CNTNAP5: variants seen among roughly 807,000 people sequenced by gnomAD.
CNTNAP5 encodes contactin associated protein family member 5, also known as contactin-associated protein-like 5.
A neutral mutation model predicts 150.2 loss-of-function variants in CNTNAP5; 72 were observed. The observed-to-expected ratio is 0.48, with a 90% CI of 0.40 to 0.58. The LOEUF is 0.58. CNTNAP5 is among the 20% of genes least tolerant of loss of function. CNTNAP5 has a pLI of 0.00. For synonymous variants in CNTNAP5, 672 were observed against 619.8 expected, an observed-to-expected ratio of 1.08 and a Z score of -1.25; for missense variants, 1,636 against 1,626.2, an observed-to-expected ratio of 1.01 and a Z score of -0.10.
At chr2:124,291,638 C>T (rs2104634663) in intron 3 of CNTNAP5, among the ~76,000 whole-genome samples, 1 of 151,916 alleles carries the variant, frequency 6.6e-6, no homozygotes, top group South Asian at 2.1e-4. Context: ...AAAATGCTGC[C>T]AAATAAACAC....
At chr2:124,217,322 A>C (rs1190108483) in intron 1 of CNTNAP5, among the ~76,000 whole-genome samples, 3 of 152,076 alleles carry the variant, frequency 2.0e-5, no homozygotes, top group Non-Finnish European at 4.4e-5. Flanking sequence ...ATTCACATAC[A>C]CTTTTGGAGG....
intron 3 of CNTNAP5, among the ~76,000 whole-genome samples, chr2:124,262,369 T>A (rs191161614): frequency 6.2e-4 from 95 of 152,296 alleles, no homozygotes; most frequent in Middle Eastern, 3.4e-3. Context: ...GTACACACAA[T>A]AAATCCAGTG....
intron 1 of CNTNAP5, among the ~76,000 whole-genome samples, chr2:124,108,097 C>T (rs1011109048): frequency 2.6e-5 from 4 of 152,172 alleles, no homozygotes; most frequent in Admixed American, 6.5e-5. Context: ...GTGAGCAGAG[C>T]GATGGCTGTC....
chr2:124,536,163 A>C (rs960113403), intron 10 of CNTNAP5, among the ~76,000 whole-genome samples: 1 of 152,202 alleles, frequency 6.6e-6, no homozygotes, highest in Admixed American at 6.5e-5. Context: ...GGATGGGGCC[A>C]AAATCAAAAC....
At chr2:124,568,668 T>C (rs1437365544) in intron 11 of CNTNAP5, among the ~76,000 whole-genome samples, 1 of 152,202 alleles carries the variant, frequency 6.6e-6, no homozygotes, top group African/African-American at 2.4e-5. Context: ...TTGTCTTTCT[T>C]ATTCTGGTGA....
chr2:124,585,007 T>G (rs2104952919), intron 11 of CNTNAP5, among the ~76,000 whole-genome samples: 1 of 152,318 alleles, frequency 6.6e-6, no homozygotes, highest in East Asian at 1.9e-4. Context: ...ATAGGAATAC[T>G]TGTTAGCAGG....
At chr2:124,493,979 C>CAA (rs1306681163) in intron 7 of CNTNAP5, among the ~76,000 whole-genome samples, 77 of 151,052 alleles carry the variant, frequency 5.1e-4, no homozygotes, top group African/African-American at 1.8e-3. Context: ...CACACACACA[C>CAA]ACACACACAC....
intron 1 of CNTNAP5, among the ~76,000 whole-genome samples, chr2:124,187,336 T>C (rs761027565): frequency 7.9e-5 from 12 of 152,184 alleles, no homozygotes; most frequent in Middle Eastern, 3.2e-3. Flanking sequence ...TTAAGAACTC[T>C]CAACTAAAAG....
At chr2:124,552,105 G>A (rs1219534673) in intron 10 of CNTNAP5, among the ~76,000 whole-genome samples, 4 of 152,068 alleles carry the variant, frequency 2.6e-5, no homozygotes, top group African/African-American at 9.7e-5. Flanking sequence ...TGAATCAATA[G>A]GGGGCAATAA....
At chr2:124,847,028 G>A (rs1241340324) in intron 19 of CNTNAP5, among the ~76,000 whole-genome samples, 1 of 152,220 alleles carries the variant, frequency 6.6e-6, no homozygotes, top group African/African-American at 2.4e-5. Context: ...TTTGTTTAGA[G>A]TGCTGGTTGC....
At chr2:124,674,570 T>TTTCTTCCTTTCTTCCTTTCTTC (rs1558730742) in intron 13 of CNTNAP5, among the ~76,000 whole-genome samples, 1 of 127,798 alleles carries the variant, frequency 7.8e-6, no homozygotes, top group African/African-American at 2.7e-5. Flanking sequence ...TTCCTTTCTT[T>TTTCTTCCTTTCTTCCTTTCTTC]CTTTCTTTTC....
At chr2:124,374,895 A>C (rs946188308) in intron 3 of CNTNAP5, among the ~76,000 whole-genome samples, 57 of 152,102 alleles carry the variant, frequency 3.7e-4, no homozygotes, top group African/African-American at 1.2e-3. Flanking sequence ...AGGACACAGA[A>C]GTCAAGCTAA....
At chr2:124,807,380 C>A (rs1333249235) in intron 19 of CNTNAP5, among the ~76,000 whole-genome samples, 1 of 152,160 alleles carries the variant, frequency 6.6e-6, no homozygotes, top group East Asian at 1.9e-4. Flanking sequence ...ATTCCTAACA[C>A]CAGCCATATG....
chr2:124,775,502 C>G (rs898818268), intron 17 of CNTNAP5, among the ~76,000 whole-genome samples: 13 of 152,142 alleles, frequency 8.5e-5, no homozygotes, highest in African/African-American at 2.9e-4. Context: ...AATGGAGCAT[C>G]CTTCAGCATT....
intron 17 of CNTNAP5, among the ~76,000 whole-genome samples, chr2:124,779,814 A>G (rs1200358504): frequency 1.3e-5 from 2 of 152,086 alleles, no homozygotes; most frequent in East Asian, 1.9e-4. Flanking sequence ...AGTCAGATGA[A>G]CTATCTCCTC....
chr2:124,455,272 C>T (rs1302686672), intron 6 of CNTNAP5, among the ~76,000 whole-genome samples: 2 of 151,786 alleles, frequency 1.3e-5, no homozygotes, highest in Non-Finnish European at 2.9e-5. Context: ...TTATAAACAC[C>T]TTCATGTACA....
At chr2:124,812,563 T>G (rs1682260230) in intron 19 of CNTNAP5, among the ~76,000 whole-genome samples, 1 of 152,154 alleles carries the variant, frequency 6.6e-6, no homozygotes, top group African/African-American at 2.4e-5. Flanking sequence ...TTGCAATCTA[T>G]TCTCTCTAAA....
chr2:124,247,950 C>T (rs374216392), intron 3 of CNTNAP5, among the ~76,000 whole-genome samples: 14 of 152,256 alleles, frequency 9.2e-5, no homozygotes, highest in South Asian at 2.1e-4. Context: ...TGTTCTCTCA[C>T]GCACATATAC....
chr2:124,561,532 T>G (rs181613322), intron 10 of CNTNAP5, among the ~76,000 whole-genome samples: 1 of 150,112 alleles, frequency 6.7e-6, no homozygotes, highest in African/African-American at 2.4e-5. Context: ...GACCACTTTT[T>G]TGTTTGTTTG....
Sources: allele counts gnomAD v4.1 joint callset (sites outside exome capture counted in the v4.1 genomes callset), GRCh38; gene constraint gnomAD v4.1.1; transcripts MANE v1.5; gene names NCBI Gene and HGNC (gene_info 2026-07-23, HGNC 2026-07-21).